Variants in DIAPH1 observed in about 807,000 individuals in gnomAD.
The protein encoded by DIAPH1 is diaphanous related formin 1.
A neutral mutation model predicts 140.7 loss-of-function variants in DIAPH1; 46 were observed. The ratio of observed to expected loss-of-function variants is 0.33; its 90% CI spans 0.26 to 0.42. DIAPH1 has a LOEUF of 0.42. Among genes scored for constraint, DIAPH1 ranks in the 10% least tolerant of loss-of-function variants. DIAPH1 has a pLI of 1.00. For missense variants in DIAPH1, 1,310 were observed against 1,558.7 expected, an observed-to-expected ratio of 0.84 and a Z score of 2.69; for synonymous variants, 565 against 551.6, an observed-to-expected ratio of 1.02 and a Z score of -0.34.
chr5:141,599,551 A>G (rs1010156397), intron 1 of DIAPH1, among the ~76,000 whole-genome samples: 1 of 152,184 alleles, frequency 6.6e-6, no homozygotes, highest in African/African-American at 2.4e-5. Flanking sequence ...CCTGGGTTCA[A>G]GTGATTCTCC....
At chr5:141,542,239 C>T (rs12374513) in intron 18 of DIAPH1, among the ~76,000 whole-genome samples, 1 of 152,202 alleles carries the variant, frequency 6.6e-6, no homozygotes, top group African/African-American at 2.4e-5. Context: ...CGAGACCAGC[C>T]TGGCCAACAT....
intron 19 of DIAPH1, among the ~76,000 whole-genome samples, chr5:141,533,103 C>T (rs958441781): frequency 1.3e-5 from 2 of 152,108 alleles, no homozygotes; most frequent in Admixed American, 1.3e-4. Context: ...CTGGGCACTT[C>T]GCATCATTTA....
At chr5:141,545,872 T>C (rs549867934) in intron 18 of DIAPH1, among the ~76,000 whole-genome samples, 3 of 152,352 alleles carry the variant, frequency 2.0e-5, no homozygotes, top group African/African-American at 7.2e-5. Context: ...ACAAAACATG[T>C]TGGCCGTAGT....
At chr5:141,539,432 T>G (rs942739738) in intron 18 of DIAPH1, among the ~76,000 whole-genome samples, 2 of 147,814 alleles carry the variant, frequency 1.4e-5, no homozygotes, top group South Asian at 2.1e-4. Context: ...TTTTTTTTGT[T>G]TTTTTTTTTT....
chr5:141,535,644 T>C (rs539117543), intron 18 of DIAPH1, among the ~76,000 whole-genome samples: 2 of 152,312 alleles, frequency 1.3e-5, no homozygotes, highest in Admixed American at 1.3e-4. Flanking sequence ...GATAGTAACA[T>C]TCTCTAAAAA....
chr5:141,590,957 G>A (rs2099898307), intron 1 of DIAPH1, among the ~76,000 whole-genome samples: 1 of 152,018 alleles, frequency 6.6e-6, no homozygotes, highest in African/African-American at 2.4e-5. Context: ...TATCCAAGAG[G>A]AAATCTTTCT....
chr5:141,543,776 G>A (rs958168406), intron 18 of DIAPH1, among the ~76,000 whole-genome samples: 2 of 152,120 alleles, frequency 1.3e-5, no homozygotes, highest in East Asian at 3.9e-4. Context: ...GTAAGTCAAG[G>A]AGCATCTGTA....
chr5:141,554,603 T>C (rs922431159), intron 18 of DIAPH1, among the ~76,000 whole-genome samples: 1 of 152,008 alleles, frequency 6.6e-6, no homozygotes, highest in African/African-American at 2.4e-5. Context: ...GAAAGAACAG[T>C]ATCAAAAAAA....
chr5:141,537,347 G>C (rs1278599376), intron 18 of DIAPH1, among the ~76,000 whole-genome samples: 1 of 151,954 alleles, frequency 6.6e-6, no homozygotes, highest in Admixed American at 6.6e-5. Flanking sequence ...GCCGGGTGTG[G>C]TGGCACATGC....
chr5:141,575,524 C>G (rs1162805646), intron 14 of DIAPH1, among the ~76,000 whole-genome samples: 1 of 152,044 alleles, frequency 6.6e-6, no homozygotes, highest in East Asian at 1.9e-4. Flanking sequence ...TGGTGGGCAC[C>G]TGTAATCCCA....
rs370794285 is a variant in DIAPH1, at chr5:141,580,828, G to A, written c.740C>T (p.Ala247Val). ...CATGTTGGGAACAGCAGGATCCATGGCTCTGACCAGCAGTAGGATTCCTTC... is the reference window on the plus strand; with the variant it reads ...CATGTTGGGAACAGCAGGATCCATGACTCTGACCAGCAGTAGGATTCCTTC... Reference protein sequence around the residue: ...TEEGILLLVRAMDPAVPNMMI... With the variant: ...TEEGILLLVRVMDPAVPNMMI... Residue 247 changes from alanine (A) to valine (V), a missense_variant, in exon 8 of 28, where the codon GCC (alanine) becomes GTC (valine). Ala to Val is a moderately conservative substitution (Grantham distance 64). Transcript: ENST00000389054. The A allele has an allele frequency of 3.7e-6, 6 of 1,614,148 alleles. No individual in the cohort carries two copies. Among genetic ancestry groups the A allele is most frequent in the Non-Finnish European group, 5.1e-6 (6 of 1,179,984 alleles).
chr5:141,531,313 CTCTTT>C (rs2099888191), intron 19 of DIAPH1, among the ~76,000 whole-genome samples: 1 of 151,428 alleles, frequency 6.6e-6, no homozygotes, highest in African/African-American at 2.4e-5. Context: ...CTCTCTCTCT[CTCTTT>C]TTTTTTTTTG....
chr5:141,616,987 C>T (rs181736307), intron 1 of DIAPH1, among the ~76,000 whole-genome samples: 53 of 152,176 alleles, frequency 3.5e-4, no homozygotes, highest in Admixed American at 5.9e-4. Context: ...TTCACAAGTT[C>T]GTGAAATAAT....
intron 27 of DIAPH1, among the ~76,000 whole-genome samples, chr5:141,521,823 T>G (rs2099886587): frequency 6.6e-6 from 1 of 152,182 alleles, no homozygotes; most frequent in Non-Finnish European, 1.5e-5. Context: ...TGGGGCCATC[T>G]AAGTCCAGCC....
intron 19 of DIAPH1, among the ~76,000 whole-genome samples, chr5:141,530,560 G>T (rs1397461593): frequency 2.0e-4 from 31 of 152,090 alleles, no homozygotes; most frequent in Admixed American, 2.0e-3. Flanking sequence ...AATTCTCTTT[G>T]TGTGTCCCAA....
In DIAPH1 at chr5:141,583,557, G is replaced by A. The variant is rs2099897088; in HGVS notation, c.461C>T (p.Ser154Leu). 1.2e-6 allele frequency: 2 copies of A among 1,614,076 alleles called. No individual in the cohort carries two copies. Among genetic ancestry groups the A allele is most frequent in the African/African-American group, 2.7e-5 (2 of 74,926 alleles). The change falls in exon 5 of 28, where the codon TCA (serine) becomes TTA (leucine). Residue 154 changes from serine to leucine, a missense_variant. Coordinates refer to ENST00000389054, the MANE Select transcript of DIAPH1 (RefSeq NM_005219.5). ...GAGCAGAGGCATATCCCGCAAGCCT[G>A]ACCTCAACTCCTGAATATACATCAT... ...SAMMYIQELRSGLRDMPLLSC... is the reference protein window; with the variant it reads ...SAMMYIQELRLGLRDMPLLSC...
chr5:141,527,467 A>T, intron 24 of DIAPH1, 106 bp downstream of exon 24: 1 of 1,279,398 alleles, frequency 7.8e-7, no homozygotes, highest in Non-Finnish European at 1.1e-6. Context: ...AGAGTTTTTT[A>T]AGAGAAAAAA....
chr5:141,600,824 T>C (rs1477518000), intron 1 of DIAPH1, among the ~76,000 whole-genome samples: 3 of 152,200 alleles, frequency 2.0e-5, no homozygotes, highest in South Asian at 2.1e-4. Flanking sequence ...CTATAAATCA[T>C]ATACTTAGCC....
At chr5:141,527,538 C>G (rs753739311) in intron 24 of DIAPH1, 35 bp downstream of exon 24, 2 of 1,611,698 alleles carry the variant, frequency 1.2e-6, no homozygotes, top group Admixed American at 3.3e-5. Flanking sequence ...CTTTCCCTTC[C>G]TAGGGAACAA....
Sources: gnomAD v4.1 joint callset for allele counts (sites outside exome capture counted in the v4.1 genomes callset) on GRCh38, gnomAD v4.1.1 for gene constraint, MANE v1.5 for transcripts, NCBI Gene and HGNC (gene_info 2026-07-23, HGNC 2026-07-21) for gene names.